The following ZDHHC2 variants were observed in gnomAD, a reference collection of about 807,000 sequenced individuals.
The protein encoded by ZDHHC2 is zDHHC palmitoyltransferase 2, also known as palmitoyltransferase ZDHHC2.
ZDHHC2 carries 51 observed loss-of-function variants against 55.6 expected under a neutral mutation model. The ratio of observed to expected loss-of-function variants is 0.92; its 90% confidence interval spans 0.73 to 1.16. The LOEUF is 1.16. Ranked by LOEUF, ZDHHC2 falls within the 50% of genes most tolerant of loss-of-function variation. The pLI, the probability that ZDHHC2 is intolerant of heterozygous loss-of-function variation, is 0.00. For synonymous variants in ZDHHC2, 199 were observed against 152.9 expected, an observed-to-expected ratio of 1.30 and a Z score of -2.22; for missense variants, 491 against 442.4, an observed-to-expected ratio of 1.11 and a Z score of -0.99.
intron 6 of ZDHHC2, among the ~76,000 whole-genome samples, chr8:17,199,774 T>C (rs1806644000): frequency 6.7e-6 from 1 of 149,484 alleles, no homozygotes; most frequent in Non-Finnish European, 1.5e-5. Context: ...TTTTTTTTTT[T>C]TTTGAGACAG....
At chr8:17,219,887 C>T (rs2150953849) in intron 12 of ZDHHC2, among the ~76,000 whole-genome samples, 1 of 152,302 alleles carries the variant, frequency 6.6e-6, no homozygotes, top group African/African-American at 2.4e-5. Flanking sequence ...AAACTCCATT[C>T]AGCCTCAGAT....
chr8:17,214,199 T>C (rs147758260), intron 10 of ZDHHC2, among the ~76,000 whole-genome samples: 2 of 152,328 alleles, frequency 1.3e-5, no homozygotes, highest in African/African-American at 4.8e-5. Flanking sequence ...TTATGTATAC[T>C]TTTTCATGCC....
chr8:17,209,330 G>A (rs948385465), intron 8 of ZDHHC2, among the ~76,000 whole-genome samples: 1 of 151,998 alleles, frequency 6.6e-6, no homozygotes, highest in African/African-American at 2.4e-5. Flanking sequence ...CAATTTCAAC[G>A]AAATTGGAAA....
chr8:17,160,020 T>G (rs1245175543), intron 1 of ZDHHC2, among the ~76,000 whole-genome samples: 1 of 152,182 alleles, frequency 6.6e-6, no homozygotes, highest in African/African-American at 2.4e-5. Context: ...AACTTTAGGA[T>G]GCACTATGAG....
intron 6 of ZDHHC2, among the ~76,000 whole-genome samples, chr8:17,201,448 C>G (rs960773663): frequency 1.2e-4 from 15 of 126,020 alleles, no homozygotes; most frequent in Admixed American, 1.6e-4. Context: ...AGGATGTTTT[C>G]AGACCCAGGG....
chr8:17,184,825 A>G lies in ZDHHC2; in HGVS notation c.157+10A>G. On this transcript the variant is annotated intron_variant, in intron 2 of 12. Coordinates refer to ENST00000262096, the MANE Select transcript of ZDHHC2 (RefSeq NM_016353.5). ...AACACTGGCGAACAAGGTAAGCTAG[A>G]TTATATTAATGTTATAGATTTTTTA... 1.9e-6 allele frequency: 3 copies of G among 1,543,832 alleles called. No individual in the cohort carries two copies. The highest frequency in any genetic ancestry group is 2.6e-6 in the Non-Finnish European group (3 of 1,143,158).
intron 1 of ZDHHC2, among the ~76,000 whole-genome samples, chr8:17,167,304 CTTTTTTT>C (rs371848954): frequency 1.8e-5 from 2 of 108,776 alleles, no homozygotes; most frequent in Non-Finnish European, 3.7e-5. Flanking sequence ...TTTTTTTTAA[CTTTTTTT>C]TTTTTTTTTT....
In ZDHHC2 at chr8:17,220,502, G is replaced by C. The variant is rs1807875008; in HGVS notation, c.*281G>C. On this transcript the variant is annotated 3_prime_UTR_variant, in exon 13 of 13. Coordinates refer to ENST00000262096, the MANE Select transcript of ZDHHC2 (RefSeq NM_016353.5). ...GGAAAACATCTTCTCCAAAAAACTT[G>C]GAATAAATCCAAGGACCAGTTTTTA... The C allele has an allele frequency of 6.6e-6, 1 of 152,082 alleles. No individual in the cohort carries two copies. The highest frequency in any genetic ancestry group is 1.5e-5 in the Non-Finnish European group (1 of 68,000). 9.4% of individuals were successfully genotyped at this position (152,082 alleles called of 1,614,324 possible).
At chr8:17,168,713 C>G (rs1025387953) in intron 1 of ZDHHC2, among the ~76,000 whole-genome samples, 13 of 152,190 alleles carry the variant, frequency 8.5e-5, no homozygotes, top group Non-Finnish European at 1.9e-4. Flanking sequence ...GTCCAACTGT[C>G]CAGGTAGCTC....
rs575904460 is a variant in ZDHHC2, at chr8:17,174,014, G to T, written c.131-10775G>T. On this transcript the variant is annotated intron_variant, in intron 1 of 12. Transcript: ENST00000262096. ...AACGTACAGAGAGTAGGTGGTCGCT[G>T]CAAGCAAAGGAGAGAGACCTAGGAA... Among the ~76,000 whole-genome samples, 90 of 152,104 alleles carry T rather than the reference G, an allele frequency of 5.9e-4. 5 individuals carry two copies. Among genetic ancestry groups the T allele is most frequent in the African/African-American group, 2.1e-3 (86 of 41,514 alleles).
At chr8:17,161,260 A>G (rs1269174130) in intron 1 of ZDHHC2, among the ~76,000 whole-genome samples, 1 of 152,160 alleles carries the variant, frequency 6.6e-6, no homozygotes, top group Non-Finnish European at 1.5e-5. Context: ...AGAAGAAGAA[A>G]TGTTTTCTTG....
chr8:17,206,527 CTATA>C (rs1807109028), intron 7 of ZDHHC2, among the ~76,000 whole-genome samples: 1 of 152,010 alleles, frequency 6.6e-6, no homozygotes, highest in Admixed American at 6.6e-5. Context: ...GAATTGATGA[CTATA>C]TAAGATTTTT....
chr8:17,214,771 G>A (rs753667471), intron 10 of ZDHHC2, among the ~76,000 whole-genome samples: 1 of 151,940 alleles, frequency 6.6e-6, no homozygotes, highest in Non-Finnish European at 1.5e-5. Flanking sequence ...ATTAGCTGAG[G>A]GTGGTGGTGT....
chr8:17,206,614 G>GTCCTTATGCCTATAATA (rs1270887441), intron 7 of ZDHHC2, among the ~76,000 whole-genome samples: 1 of 152,022 alleles, frequency 6.6e-6, no homozygotes, highest in African/African-American at 2.4e-5. Context: ...TGCCTATAAT[G>GTCCTTATGCCTATAATA]TCCTTATGCC....
In ZDHHC2 at chr8:17,156,872, GC is replaced by G; in HGVS notation, c.130+20del. ...TGCATAGGTGAGTGCGCCCCCCGCCGCGGCGCCCCCAGCGCAGCGCAGCCCA... is the reference window on the plus strand; with the variant it reads ...TGCATAGGTGAGTGCGCCCCCCGCCGGGCGCCCCCAGCGCAGCGCAGCCCA... On this transcript the variant is annotated intron_variant, in intron 1 of 12. Coordinates refer to ENST00000262096, the MANE Select transcript of ZDHHC2 (RefSeq NM_016353.5). 1 of 1,485,288 alleles carries G rather than the reference GC, an allele frequency of 6.7e-7. No individual in the cohort carries two copies. Among genetic ancestry groups the G allele is most frequent in the Admixed American group, 2.3e-5 (1 of 43,800 alleles). 92.0% of individuals were successfully genotyped at this position (1,485,288 alleles called of 1,614,324 possible). A position where few individuals can be genotyped will look rare whatever the true frequency, so the allele number is the denominator to read the frequency against.
intron 4 of ZDHHC2, among the ~76,000 whole-genome samples, 163 bp from the exon 5 acceptor site, chr8:17,197,419 A>G (rs1028155523): frequency 6.6e-6 from 1 of 152,192 alleles, no homozygotes; most frequent in African/African-American, 2.4e-5. Context: ...TAGGCAAGTC[A>G]TTCCATTTTT....
intron 3 of ZDHHC2, among the ~76,000 whole-genome samples, chr8:17,186,664 T>C (rs1048244917): frequency 9.9e-5 from 15 of 152,164 alleles, no homozygotes; most frequent in Non-Finnish European, 1.9e-4. Context: ...ATTTCCACTT[T>C]AGAGTCAGAC....
chr8:17,195,442 A>G lies in ZDHHC2; in HGVS notation c.253-62A>G, dbSNP rs867950709. 53 of 1,531,378 alleles carry G rather than the reference A, an allele frequency of 3.5e-5. No individual in the cohort carries two copies. The Middle Eastern group carries it at 5.2e-4, about 15-fold the overall frequency. 94.9% of individuals were successfully genotyped at this position (1,531,378 alleles called of 1,614,324 possible). On this transcript the variant is annotated intron_variant, in intron 3 of 12. Coordinates refer to ENST00000262096, the MANE Select transcript of ZDHHC2 (RefSeq NM_016353.5). ...AAATACCCTTTTCCGGGTATGGTAGAGAAGACCAATATGTTATAATTTCTT... is the reference window on the plus strand; with the variant it reads ...AAATACCCTTTTCCGGGTATGGTAGGGAAGACCAATATGTTATAATTTCTT...
intron 1 of ZDHHC2, among the ~76,000 whole-genome samples, chr8:17,176,931 G>T (rs1295036152): frequency 6.6e-6 from 1 of 152,022 alleles, no homozygotes; most frequent in East Asian, 1.9e-4. Context: ...GGAAGAAAAG[G>T]GTACCATTGC....
Sources: allele counts gnomAD v4.1 joint callset (sites outside exome capture counted in the v4.1 genomes callset), GRCh38; gene constraint gnomAD v4.1.1; transcripts MANE v1.5; gene names NCBI Gene and HGNC (gene_info 2026-07-23, HGNC 2026-07-21).